SLC22A23: variants seen among roughly 807,000 people sequenced by gnomAD.
SLC22A23 encodes the protein ion transporter protein.
SLC22A23 carries 26 observed loss-of-function variants against 61.0 expected under a neutral mutation model. That is an observed-to-expected ratio of 0.43 (90% CI 0.31 to 0.59). SLC22A23 has a LOEUF of 0.59. Among genes scored for constraint, SLC22A23 ranks in the 20% least tolerant of loss-of-function variants. SLC22A23 has a pLI of 0.11. For synonymous variants in SLC22A23, 430 were observed against 413.9 expected, an observed-to-expected ratio of 1.04 and a Z score of -0.47; for missense variants, 796 against 934.7, an observed-to-expected ratio of 0.85 and a Z score of 1.94.
chr6:3,301,672 G>A (rs1761622036), intron 4 of SLC22A23, among the ~76,000 whole-genome samples: 1 of 152,322 alleles, frequency 6.6e-6, no homozygotes, highest in African/African-American at 2.4e-5. Flanking sequence ...CGTACCCCAA[G>A]GGCCACTGCC....
At chr6:3,389,066 G>A (rs1376081774) in intron 3 of SLC22A23, among the ~76,000 whole-genome samples, 5 of 151,772 alleles carry the variant, frequency 3.3e-5, no homozygotes, top group African/African-American at 9.7e-5. Flanking sequence ...TCAGGAGCTC[G>A]AGACCAGCCT....
chr6:3,299,395 C>T (rs1172555817), intron 4 of SLC22A23, among the ~76,000 whole-genome samples: 2 of 152,178 alleles, frequency 1.3e-5, no homozygotes, highest in African/African-American at 4.8e-5. Context: ...CTCACTGTCC[C>T]GGGGTTTCCT....
intron 3 of SLC22A23, among the ~76,000 whole-genome samples, chr6:3,391,578 T>C (rs1454252630): frequency 6.6e-6 from 1 of 152,200 alleles, no homozygotes; most frequent in Non-Finnish European, 1.5e-5. Flanking sequence ...AGTATTTAGA[T>C]ACCCATTCTG....
chr6:3,422,336 C>T (rs1315256289), intron 1 of SLC22A23, among the ~76,000 whole-genome samples: 1 of 152,146 alleles, frequency 6.6e-6, no homozygotes, highest in African/African-American at 2.4e-5. Flanking sequence ...AGAACACACA[C>T]ACAGAGTCCA....
rs1404442356 is a variant in SLC22A23 at position 3,269,386 on chromosome 6, C to T, written c.*3669G>A. On this transcript the variant is annotated 3_prime_UTR_variant, in exon 10 of 10. Coordinates refer to ENST00000406686, the MANE Select transcript of SLC22A23 (RefSeq NM_015482.2). ...AATGAACACGGAGGATTTTATTACT[C>T]ACCATTAATGGTAGTGAAATGCCCT... is the stretch of plus-strand genomic sequence containing the variant. 6.6e-6 allele frequency: 1 copy of T among 152,440 alleles called. No homozygotes were observed. The highest frequency in any genetic ancestry group is 1.5e-5 in the Non-Finnish European group (1 of 68,054). 9.4% of individuals were successfully genotyped at this position (152,440 alleles called of 1,614,324 possible). A position where few individuals can be genotyped will look rare whatever the true frequency, so the allele number is the denominator to read the frequency against.
At chr6:3,300,547 A>G (rs984458948) in intron 4 of SLC22A23, among the ~76,000 whole-genome samples, 2 of 152,134 alleles carry the variant, frequency 1.3e-5, no homozygotes, top group African/African-American at 4.8e-5. Flanking sequence ...CAGACACAGA[A>G]TCTGCTGGTG....
intron 2 of SLC22A23, among the ~76,000 whole-genome samples, chr6:3,415,105 T>G (rs1176550225): frequency 6.6e-6 from 1 of 152,246 alleles, no homozygotes; most frequent in Admixed American, 6.5e-5. Context: ...TGGAACTACT[T>G]AGCACAGTGC....
At position 3,456,570 on chromosome 6, in the gene SLC22A23, C is replaced by T; in HGVS notation, c.-11G>A. 1.0e-6 allele frequency: 1 copy of T among 983,234 alleles called. No individual in the cohort carries two copies. Among genetic ancestry groups the T allele is most frequent in the Non-Finnish European group, 1.2e-6 (1 of 830,238 alleles). 60.9% of individuals were successfully genotyped at this position (983,234 alleles called of 1,614,324 possible). On this transcript the variant is annotated 5_prime_UTR_variant, in exon 1 of 10. Transcript: ENST00000406686. The surrounding 1 kb of genome is among the most constrained non-coding windows in gnomAD (Gnocchi z 7.1). ...CCGGTCTATGGCCATGGCCCGGGCC[C>T]GCGGCTCCCGCAGAGGCGCATAGAG...
In SLC22A23 at chr6:3,360,803, CGGCCAGGCAGGCCCACA is replaced by C. The variant is rs376567509; in HGVS notation, c.914-36818_914-36802del. 4.3e-3 allele frequency among the ~76,000 whole-genome samples: 662 copies of C among 152,328 alleles called. 10 individuals carry two copies. Among genetic ancestry groups the C allele is most frequent in the South Asian group, 0.017 (84 of 4,824 alleles). On this transcript the variant is annotated intron_variant, in intron 3 of 9. Transcript: ENST00000406686. This position sits in a 1 kb window ranked among gnomAD's most constrained non-coding sequence, Gnocchi z 4.6. ...GGCCCCTCTGATGGAGACCTGCGTT[CGGCCAGGCAGGCCCACA>C]GCTGGCGTGGTCATCCAGGGCGGGA...
At chr6:3,453,537 G>A (rs1772251082) in intron 1 of SLC22A23, among the ~76,000 whole-genome samples, 1 of 152,142 alleles carries the variant, frequency 6.6e-6, no homozygotes, top group Non-Finnish European at 1.5e-5. Context: ...GTGTAGGTAG[G>A]TGCTAGGATA....
In SLC22A23 at chr6:3,318,602, T is replaced by C. The variant is rs74558734; in HGVS notation, c.1082+5232A>G. 0.096 allele frequency among the ~76,000 whole-genome samples: 14,549 copies of C among 152,156 alleles called. 2,251 individuals carry two copies. Among genetic ancestry groups the C allele is most frequent in the African/African-American group, 0.32 (13,313 of 41,446 alleles). On this transcript the variant is annotated intron_variant, in intron 4 of 9. Transcript: ENST00000406686. The surrounding 1 kb of genome is among the most constrained non-coding windows in gnomAD (Gnocchi z 4.3). ...CTTCCCAGGAGGCCCTGTGTGGTCC[T>C]ATGTACCCCTTCCTCCTGGGAACTG... is the stretch of plus-strand genomic sequence containing the variant.
At chr6:3,302,162 T>C (rs146791059) in intron 4 of SLC22A23, among the ~76,000 whole-genome samples, 78 of 152,358 alleles carry the variant, frequency 5.1e-4, no homozygotes, top group African/African-American at 1.7e-3. Flanking sequence ...GGCTCAATCA[T>C]GGTAGGTTGT....
At chr6:3,361,903 A>G (rs150205542) in intron 3 of SLC22A23, among the ~76,000 whole-genome samples, 14 of 152,292 alleles carry the variant, frequency 9.2e-5, no homozygotes, top group African/African-American at 1.4e-4. Flanking sequence ...GGGATTTACA[A>G]TCAGGCATGG....
chr6:3,303,750 C>T (rs1374075266), intron 4 of SLC22A23, among the ~76,000 whole-genome samples: 1 of 152,132 alleles, frequency 6.6e-6, no homozygotes, highest in East Asian at 1.9e-4. Flanking sequence ...TACAAAATTA[C>T]AAGAGATAGG....
chr6:3,298,622 T>C (rs1386040270), intron 4 of SLC22A23, among the ~76,000 whole-genome samples: 1 of 152,140 alleles, frequency 6.6e-6, no homozygotes, highest in Non-Finnish European at 1.5e-5. Context: ...TCTACGCCAC[T>C]GTAGGATGAC....
chr6:3,426,060 AAAT>A (rs893193191), intron 1 of SLC22A23, among the ~76,000 whole-genome samples: 6 of 152,236 alleles, frequency 3.9e-5, no homozygotes, highest in South Asian at 4.1e-4. Flanking sequence ...GTGACTAAAC[AAAT>A]AATAATTTGT....
intron 3 of SLC22A23, among the ~76,000 whole-genome samples, chr6:3,370,109 C>T (rs1251287180): frequency 6.6e-6 from 1 of 152,152 alleles, no homozygotes; most frequent in Non-Finnish European, 1.5e-5. Context: ...TTGGAATATA[C>T]ATTTCCATTA....
chr6:3,299,442 A>G (rs1020468366), intron 4 of SLC22A23, among the ~76,000 whole-genome samples: 1 of 152,216 alleles, frequency 6.6e-6, no homozygotes, highest in African/African-American at 2.4e-5. Flanking sequence ...ACCGCCTGTC[A>G]CTGTCCCTCA....
chr6:3,314,513 T>C (rs959558421), intron 4 of SLC22A23, among the ~76,000 whole-genome samples: 14 of 152,172 alleles, frequency 9.2e-5, no homozygotes, highest in South Asian at 4.1e-4. Flanking sequence ...TTCAGGAAGA[T>C]TTAGGGAGCT....
Sources: allele counts gnomAD v4.1 joint callset (sites outside exome capture counted in the v4.1 genomes callset), GRCh38; gene constraint gnomAD v4.1.1; non-coding constraint Gnocchi (gnomAD v3.1); transcripts MANE v1.5; gene names NCBI Gene and HGNC (gene_info 2026-07-23, HGNC 2026-07-21).